ZNF593OS: variants seen among roughly 807,000 people sequenced by gnomAD.
ZNF593OS encodes transmembrane protein ZNF593OS.
downstream of ZNF593OS, chr1:26,170,005 G>A (rs1462376494): frequency 6.4e-7 from 1 of 1,555,232 alleles, no homozygotes. Context: ...CCGCCGGACA[G>A]GCGCGCACCG....
chr1:26,170,193 G>T, downstream of ZNF593OS: 1 of 1,573,642 alleles, frequency 6.4e-7, no homozygotes, highest in Non-Finnish European at 8.6e-7. Flanking sequence ...CGTGAGTCCC[G>T]GACGAGCCCG....
chr1:26,171,708 C>T lies in ZNF593OS; in HGVS notation c.-47G>A, dbSNP rs1052013884. 2.8e-5 allele frequency: 11 copies of T among 398,428 alleles called. No individual in the cohort carries two copies. Among genetic ancestry groups the T allele is most frequent in the African/African-American group, 1.0e-4 (5 of 48,604 alleles). 24.7% of individuals were successfully genotyped at this position (398,428 alleles called of 1,614,324 possible). A position where few individuals can be genotyped will look rare whatever the true frequency, so the allele number is the denominator to read the frequency against. Reference sequence around the variant, plus strand: ...TGGCGGCCTGTAGGGTGGGAGCGGACGTGAAGACCAGTGGTCTTCATGACA... The same window carrying T: ...TGGCGGCCTGTAGGGTGGGAGCGGATGTGAAGACCAGTGGTCTTCATGACA... On this transcript the variant is annotated 5_prime_UTR_variant, in exon 1 of 2. Coordinates refer to ENST00000648649, the Ensembl canonical transcript of ZNF593OS. This position sits in a 1 kb window ranked among gnomAD's most constrained non-coding sequence, Gnocchi z 5.5.
At chr1:26,169,773 T>G (rs760306337), downstream of ZNF593OS, 3 of 575,316 alleles carry the variant, frequency 5.2e-6, no homozygotes, top group Non-Finnish European at 8.8e-6. Context: ...TGGGCACACT[T>G]CTGGGAGCCC....
downstream of ZNF593OS, chr1:26,169,954 G>T (rs753773905): frequency 1.3e-6 from 2 of 1,520,442 alleles, no homozygotes; most frequent in Non-Finnish European, 1.8e-6. Flanking sequence ...CCTGCTCCTG[G>T]CCCCTTGGCC....
At position 26,170,745 on chromosome 1, in the gene ZNF593OS, T is replaced by C. The variant is rs200518202; in HGVS notation, c.*444A>G. The C allele has an allele frequency of 1.3e-5, 20 of 1,593,776 alleles. No homozygotes were observed. In the East Asian group the frequency reaches 3.1e-4, roughly 25 times the overall value. On this transcript the variant is annotated 3_prime_UTR_variant, in exon 2 of 2. Transcript: ENST00000648649. ...GGCCTGAAGATGCAGGGCAGAGGAATTGCCCATGGACAGTGACGCAAGGAC... is the reference window on the plus strand; with the variant it reads ...GGCCTGAAGATGCAGGGCAGAGGAACTGCCCATGGACAGTGACGCAAGGAC...
downstream of ZNF593OS, chr1:26,169,960 T>C (rs763415272): frequency 2.6e-6 from 4 of 1,525,314 alleles, no homozygotes; most frequent in Non-Finnish European, 3.5e-6. Flanking sequence ...CCTGGCCCCT[T>C]GGCCGGCCGG....
exon 2 of ZNF593OS, chr1:26,170,570 C>T (rs1239017515): frequency 2.5e-6 from 4 of 1,613,816 alleles, no homozygotes; most frequent in South Asian, 1.1e-5. Context: ...TTTTCTTTCT[C>T]CCAGGCTGAA....
chr1:26,170,887 C>A, exon 2 of ZNF593OS: 1 of 833,006 alleles, frequency 1.2e-6, no homozygotes. Flanking sequence ...GCCTCCAACT[C>A]TAACTTCCAG....
chr1:26,170,192 C>A (rs778492829), downstream of ZNF593OS: 3 of 1,572,460 alleles, frequency 1.9e-6, no homozygotes, highest in Admixed American at 5.6e-5. Context: ...GCGTGAGTCC[C>A]GGACGAGCCC....
At chr1:26,170,042 A>G, downstream of ZNF593OS, 1 of 1,574,182 alleles carries the variant, frequency 6.4e-7, no homozygotes, top group Non-Finnish European at 8.6e-7. Context: ...CGGCAGATGA[A>G]GGCGAAGCGG....
chr1:26,171,274 G>T lies in ZNF593OS; in HGVS notation c.107C>A (p.Thr36Lys). 2.5e-6 allele frequency: 1 copy of T among 403,256 alleles called. No individual in the cohort carries two copies. 25.0% of individuals were successfully genotyped at this position (403,256 alleles called of 1,614,324 possible). ...ACCCAGGCCGAGGACAGCTAGCACT[G>T]TAGCCACAACTCCTGCCAGCAGACT... is the stretch of plus-strand genomic sequence containing the variant. Residue 36 changes from threonine to lysine, a missense_variant, in exon 2 of 2, where the codon ACA (threonine) becomes AAA (lysine). Physicochemically the swap from Thr to Lys is moderately conservative, Grantham distance 78. Transcript: ENST00000648649. The surrounding 1 kb of genome is among the most constrained non-coding windows in gnomAD (Gnocchi z 5.5).
downstream of ZNF593OS, chr1:26,170,206 C>A (rs975776669): frequency 6.3e-7 from 1 of 1,578,168 alleles, no homozygotes; most frequent in Admixed American, 1.8e-5. Flanking sequence ...CGAGCCCGGC[C>A]TGGGGCGGAG....
At chr1:26,170,552 A>G (rs1023487186) in exon 2 of ZNF593OS, 1 of 1,613,772 alleles carries the variant, frequency 6.2e-7, no homozygotes. Context: ...TCAGCTCCCA[A>G]CTCCTGTTTT....
In ZNF593OS at chr1:26,171,067, G is replaced by A; in HGVS notation, c.*122C>T. ...GATGCAGTGTGGGGTGGCGGGAGTG[G>A]GATCAGATTACTCTGTCCTGCTTCT... On this transcript the variant is annotated 3_prime_UTR_variant, in exon 2 of 2. Transcript: ENST00000648649. The surrounding 1 kb of genome is among the most constrained non-coding windows in gnomAD (Gnocchi z 5.5). The A allele has an allele frequency of 2.1e-6, 1 of 478,632 alleles. No individual in the cohort carries two copies. Among genetic ancestry groups the A allele is most frequent in the South Asian group, 4.9e-5 (1 of 20,426 alleles). 29.6% of individuals were successfully genotyped at this position (478,632 alleles called of 1,614,324 possible). A position where few individuals can be genotyped will look rare whatever the true frequency, so the allele number is the denominator to read the frequency against.
downstream of ZNF593OS, chr1:26,170,381 C>A (rs773036445): frequency 1.9e-6 from 3 of 1,593,106 alleles, no homozygotes; most frequent in South Asian, 1.1e-5. Flanking sequence ...GGGAGACTAT[C>A]ACCTCCTCAC....
chr1:26,169,967 C>T, downstream of ZNF593OS: 1 of 1,529,978 alleles, frequency 6.5e-7, no homozygotes, highest in Non-Finnish European at 8.8e-7. Flanking sequence ...CCTTGGCCGG[C>T]CGGGCTGTTT....
At chr1:26,169,997 G>A (rs2088468243), downstream of ZNF593OS, 3 of 1,549,294 alleles carry the variant, frequency 1.9e-6, no homozygotes, top group African/African-American at 1.4e-5. Flanking sequence ...GGTCGCTCCC[G>A]CCGGACAGGC....
chr1:26,170,964 G>GTC (rs2088491151), exon 2 of ZNF593OS: 1 of 586,248 alleles, frequency 1.7e-6, no homozygotes, highest in East Asian at 2.8e-5. Context: ...GGCCTAGGGT[G>GTC]TCTACTCCCC....
downstream of ZNF593OS, chr1:26,169,956 C>A: frequency 1.3e-6 from 2 of 1,522,740 alleles, no homozygotes; most frequent in South Asian, 1.2e-5. Flanking sequence ...TGCTCCTGGC[C>A]CCTTGGCCGG....
Sources: gnomAD v4.1 joint callset for allele counts on GRCh38, gnomAD v4.1.1 for gene constraint, Gnocchi (gnomAD v3.1) non-coding constraint, MANE v1.5 for transcripts, NCBI Gene and HGNC (gene_info 2026-07-23, HGNC 2026-07-21) for gene names.